ROBO1: variants seen among roughly 807,000 people sequenced by gnomAD.
ROBO1 encodes the protein roundabout guidance receptor 1.
Under a neutral mutation model 195.9 loss-of-function variants are expected in ROBO1, and 149 were observed. That is an observed-to-expected ratio of 0.76 (90% CI 0.67 to 0.87). ROBO1 has a LOEUF of 0.87. Ranked by LOEUF, ROBO1 falls within the 40% of genes least tolerant of loss-of-function variation. ROBO1 has a pLI of 0.00. For missense variants in ROBO1, 1,933 were observed against 2,068.3 expected, an observed-to-expected ratio of 0.93 and a Z score of 1.27; for synonymous variants, 816 against 733.2, an observed-to-expected ratio of 1.11 and a Z score of -1.82.
chr3:78,959,903 A>G (rs960243763), intron 3 of ROBO1, among the ~76,000 whole-genome samples: 3 of 152,218 alleles, frequency 2.0e-5, no homozygotes, highest in African/African-American at 7.2e-5. Context: ...TTGAAAAGGT[A>G]CAACCAAGGA....
At chr3:79,266,049 G>C (rs1286331809) in intron 2 of ROBO1, among the ~76,000 whole-genome samples, 1 of 151,450 alleles carries the variant, frequency 6.6e-6, no homozygotes, top group Admixed American at 6.6e-5. Context: ...AAGTTTAGGA[G>C]GTATTTGTAA....
At chr3:79,509,151 A>G (rs1940563739) in intron 2 of ROBO1, among the ~76,000 whole-genome samples, 2 of 152,190 alleles carry the variant, frequency 1.3e-5, no homozygotes, top group Admixed American at 1.3e-4. Flanking sequence ...ACATGGATTC[A>G]GATCTATTAT....
chr3:79,568,516 C>T (rs67523312), intron 2 of ROBO1, among the ~76,000 whole-genome samples: 32,059 of 138,158 alleles, frequency 0.23, 3,718 homozygotes, highest in African/African-American at 0.31. Context: ...GAATTTTTTT[C>T]TTTTTCTCAT....
At chr3:78,892,966 C>T (rs571923181) in intron 4 of ROBO1, among the ~76,000 whole-genome samples, 1 of 152,256 alleles carries the variant, frequency 6.6e-6, no homozygotes, top group African/African-American at 2.4e-5. Flanking sequence ...GTTCTTTCTC[C>T]CACTTTAGTC....
chr3:78,839,222 C>G (rs1003623624), intron 4 of ROBO1, among the ~76,000 whole-genome samples: 2 of 151,978 alleles, frequency 1.3e-5, no homozygotes, highest in Non-Finnish European at 1.5e-5. Flanking sequence ...TATTTGATCA[C>G]CTGATCCTAA....
At chr3:78,956,664 T>C (rs923406021) in intron 3 of ROBO1, among the ~76,000 whole-genome samples, 4 of 152,202 alleles carry the variant, frequency 2.6e-5, no homozygotes, top group African/African-American at 9.7e-5. Flanking sequence ...CCTAGTGGTA[T>C]AGACAAGCAT....
intron 2 of ROBO1, among the ~76,000 whole-genome samples, chr3:79,491,421 A>C (rs1360303101): frequency 6.6e-6 from 1 of 152,122 alleles, no homozygotes; most frequent in Non-Finnish European, 1.5e-5. Flanking sequence ...GCTTCCCTAC[A>C]ACTTGCAGAT....
chr3:79,424,359 G>T (rs957907702), intron 2 of ROBO1, among the ~76,000 whole-genome samples: 3 of 151,968 alleles, frequency 2.0e-5, no homozygotes, highest in Non-Finnish European at 4.4e-5. Flanking sequence ...CCTGGACCAG[G>T]TTGAATCTCT....
intron 2 of ROBO1, among the ~76,000 whole-genome samples, chr3:79,331,289 C>T (rs2034429882): frequency 6.6e-6 from 1 of 152,124 alleles, no homozygotes; most frequent in Non-Finnish European, 1.5e-5. Context: ...ATGTTGAATA[C>T]TATAAAGTTT....
chr3:78,896,516 C>T (rs560061564), intron 4 of ROBO1, among the ~76,000 whole-genome samples: 1 of 151,804 alleles, frequency 6.6e-6, no homozygotes, highest in Non-Finnish European at 1.5e-5. Context: ...AGATCCACCC[C>T]CTGCCCACAA....
intron 2 of ROBO1, among the ~76,000 whole-genome samples, chr3:79,270,847 T>C (rs887301285): frequency 6.6e-6 from 1 of 151,954 alleles, no homozygotes; most frequent in African/African-American, 2.4e-5. Flanking sequence ...AATAGTTGAA[T>C]TGTGCTTCAC....
At chr3:79,005,224 C>T (rs1271881872) in intron 3 of ROBO1, among the ~76,000 whole-genome samples, 1 of 152,186 alleles carries the variant, frequency 6.6e-6, no homozygotes, top group African/African-American at 2.4e-5. Flanking sequence ...GACCTCTTCC[C>T]TGCCCGTGCC....
intron 1 of ROBO1, among the ~76,000 whole-genome samples, chr3:79,616,978 G>A (rs188803514): frequency 3.3e-5 from 5 of 152,290 alleles, no homozygotes; most frequent in Admixed American, 3.3e-4. Context: ...GGTGGTAGCT[G>A]CAGTTCAAGC....
chr3:79,068,228 A>G (rs1035367072), intron 3 of ROBO1, among the ~76,000 whole-genome samples: 9 of 151,892 alleles, frequency 5.9e-5, no homozygotes, highest in Non-Finnish European at 1.0e-4. Flanking sequence ...TTTGCTGAAC[A>G]CATAGATTAA....
chr3:78,754,968 G>T (rs1196064845), intron 4 of ROBO1, among the ~76,000 whole-genome samples: 2 of 152,118 alleles, frequency 1.3e-5, no homozygotes, highest in African/African-American at 4.8e-5. Flanking sequence ...CCGTGTAGTG[G>T]TACCGGTGGA....
Position 78,938,938 on chromosome 3 carries a change from A to T in ROBO1, c.173-11T>A. 6.3e-7 allele frequency: 1 copy of T among 1,591,972 alleles called. No individual in the cohort carries two copies. Among genetic ancestry groups the T allele is most frequent in the Non-Finnish European group, 8.6e-7 (1 of 1,168,946 alleles). ...GACGAAGACGGGAGCCTGCAGAAGA[A>T]TTCACAAAATATCTTCGTATATCAC... On this transcript the variant is annotated splice_polypyrimidine_tract_variant and intron_variant, in intron 3 of 30. Coordinates refer to ENST00000464233, the MANE Select transcript of ROBO1 (RefSeq NM_002941.4).
intron 2 of ROBO1, among the ~76,000 whole-genome samples, chr3:79,185,569 G>A (rs1278342973): frequency 6.6e-6 from 1 of 152,066 alleles, no homozygotes; most frequent in Non-Finnish European, 1.5e-5. Flanking sequence ...GAGCTAAACA[G>A]TTGAGATTAG....
chr3:79,249,508 C>A (rs1189541739), intron 2 of ROBO1, among the ~76,000 whole-genome samples: 1 of 152,120 alleles, frequency 6.6e-6, no homozygotes, highest in Non-Finnish European at 1.5e-5. Flanking sequence ...GAAAACAATA[C>A]TAGAGATTGT....
intron 2 of ROBO1, among the ~76,000 whole-genome samples, chr3:79,265,858 A>G (rs114831067): frequency 0.015 from 2,261 of 151,518 alleles, 32 homozygotes; most frequent in Non-Finnish European, 0.025. Flanking sequence ...CAAAACTGTT[A>G]TACGACCCAA....
Sources: allele counts gnomAD v4.1 joint callset (sites outside exome capture counted in the v4.1 genomes callset), GRCh38; gene constraint gnomAD v4.1.1; transcripts MANE v1.5; gene names NCBI Gene and HGNC (gene_info 2026-07-23, HGNC 2026-07-21).